SAMD12: variants seen among roughly 807,000 people sequenced by gnomAD.
The protein encoded by SAMD12 is sterile alpha motif domain containing 12.
SAMD12 carries 9 observed loss-of-function variants against 15.0 expected under a neutral mutation model. The observed-to-expected ratio is 0.60, with a 90% CI of 0.36 to 1.05. The LOEUF (loss-of-function observed/expected upper bound fraction) is 1.05. SAMD12 is among the 50% of genes least tolerant of loss of function. The pLI is 0.01. For missense variants in SAMD12, 230 were observed against 234.2 expected, an observed-to-expected ratio of 0.98 and a Z score of 0.12; for synonymous variants, 86 against 90.1, an observed-to-expected ratio of 0.96 and a Z score of 0.25.
At chr8:118,267,169 G>A (rs371855340) in intron 4 of SAMD12, among the ~76,000 whole-genome samples, 2 of 152,006 alleles carry the variant, frequency 1.3e-5, no homozygotes, top group East Asian at 1.9e-4. Context: ...ATCATATAAT[G>A]TAAGTTACTA....
At chr8:118,223,965 G>A (rs1053598888) in intron 4 of SAMD12, among the ~76,000 whole-genome samples, 5 of 152,144 alleles carry the variant, frequency 3.3e-5, no homozygotes, top group Non-Finnish European at 7.4e-5. Flanking sequence ...GGTAACAATT[G>A]CAATATATGT....
At chr8:118,552,087 C>T (rs1826356330) in intron 2 of SAMD12, among the ~76,000 whole-genome samples, 1 of 152,142 alleles carries the variant, frequency 6.6e-6, no homozygotes, top group African/African-American at 2.4e-5. Flanking sequence ...CAGCCGAATT[C>T]TACCAGAGGT....
intron 2 of SAMD12, among the ~76,000 whole-genome samples, chr8:118,502,890 G>A (rs1372837059): frequency 1.3e-5 from 2 of 152,172 alleles, no homozygotes; most frequent in Non-Finnish European, 2.9e-5. Context: ...CAAGTACCTA[G>A]GCTTAGCTTC....
chr8:118,587,764 A>G (rs1827488708), intron 1 of SAMD12, among the ~76,000 whole-genome samples: 2 of 152,330 alleles, frequency 1.3e-5, no homozygotes, highest in Non-Finnish European at 2.9e-5. Flanking sequence ...GTTCTTCATT[A>G]TTCTCCTCTG....
At chr8:118,595,742 C>T (rs894732488) in intron 1 of SAMD12, among the ~76,000 whole-genome samples, 5 of 152,214 alleles carry the variant, frequency 3.3e-5, no homozygotes, top group Non-Finnish European at 7.3e-5. Context: ...TCGAATCTTG[C>T]CCTATGTAAT....
intron 2 of SAMD12, 35 bp from the exon 3 acceptor site, chr8:118,439,996 C>T (rs370975769): frequency 3.7e-6 from 6 of 1,610,032 alleles, no homozygotes; most frequent in Non-Finnish European, 4.2e-6. Flanking sequence ...TCAATGCTGG[C>T]CCCATGCCTA....
intron 4 of SAMD12, among the ~76,000 whole-genome samples, chr8:118,249,170 A>G (rs926196705): frequency 3.9e-5 from 6 of 152,284 alleles, no homozygotes; most frequent in African/African-American, 1.4e-4. Flanking sequence ...TGGAAATGAA[A>G]GATATGAAAC....
At chr8:118,364,290 T>C (rs1294203439) in intron 4 of SAMD12, among the ~76,000 whole-genome samples, 3 of 151,996 alleles carry the variant, frequency 2.0e-5, no homozygotes, top group Non-Finnish European at 4.4e-5. Context: ...AAATAGGAGG[T>C]GGAATTTCAG....
intron 1 of SAMD12, among the ~76,000 whole-genome samples, chr8:118,614,305 G>A (rs1209146273): frequency 2.0e-5 from 3 of 152,148 alleles, no homozygotes; most frequent in Non-Finnish European, 4.4e-5. Context: ...ATGCCTATGA[G>A]GTCATTACCA....
intron 4 of SAMD12, among the ~76,000 whole-genome samples, chr8:118,356,119 A>G (rs1289631610): frequency 1.3e-5 from 2 of 152,244 alleles, no homozygotes; most frequent in Non-Finnish European, 2.9e-5. Context: ...CTTTGCAAAA[A>G]TATCCCTTTT....
chr8:118,489,040 T>C (rs1278180370), intron 2 of SAMD12, among the ~76,000 whole-genome samples: 1 of 152,248 alleles, frequency 6.6e-6, no homozygotes, highest in Non-Finnish European at 1.5e-5. Context: ...TGTTTCCATA[T>C]AGACATTCTG....
intron 2 of SAMD12, among the ~76,000 whole-genome samples, chr8:118,502,228 A>AG (rs1824803674): frequency 6.6e-6 from 1 of 152,046 alleles, no homozygotes; most frequent in South Asian, 2.1e-4. Context: ...TAACAGAGAG[A>AG]AGCAATCTTT....
chr8:118,393,306 C>T (rs540299479), intron 3 of SAMD12, among the ~76,000 whole-genome samples: 1 of 152,258 alleles, frequency 6.6e-6, no homozygotes, highest in Admixed American at 6.5e-5. Context: ...ATCTTCCTAC[C>T]TCAGCCTTCA....
chr8:118,433,832 T>C (rs756297795), intron 3 of SAMD12, among the ~76,000 whole-genome samples: 1 of 152,236 alleles, frequency 6.6e-6, no homozygotes, highest in Non-Finnish European at 1.5e-5. Flanking sequence ...TGAGAAAATG[T>C]GTAGCTGACA....
At chr8:118,225,787 G>A (rs1812176468) in intron 4 of SAMD12, among the ~76,000 whole-genome samples, 1 of 152,184 alleles carries the variant, frequency 6.6e-6, no homozygotes, top group Non-Finnish European at 1.5e-5. Context: ...GCCAAGCGCA[G>A]CGAGGATACT....
chr8:118,618,531 C>T (rs1430822865), intron 1 of SAMD12, among the ~76,000 whole-genome samples: 1 of 152,018 alleles, frequency 6.6e-6, no homozygotes, highest in Non-Finnish European at 1.5e-5. Context: ...TTCTAGAAGC[C>T]CTCTCCTTTA....
Position 118,410,149 on chromosome 8 carries a change from T to A in SAMD12, c.322+29683A>T, listed in dbSNP as rs192484429. On this transcript the variant is annotated intron_variant, in intron 3 of 3. Coordinates refer to ENST00000314727, the MANE Select transcript of SAMD12 (RefSeq NM_207506.3). ...AGGTTATTTATTGATAAAGAGTATA[T>A]CTAAGGCTATTTACACATATTAAGG... is the stretch of plus-strand genomic sequence containing the variant. 1.3e-4 allele frequency among the ~76,000 whole-genome samples: 20 copies of A among 152,318 alleles called. 1 individual carries two copies. Among genetic ancestry groups the A allele is most frequent in the African/African-American group, 4.8e-4 (20 of 41,562 alleles).
rs998477935 is a variant in SAMD12 at position 118,506,291 on chromosome 8, C to A, written c.193-66330G>T. Among the ~76,000 whole-genome samples the A allele has an allele frequency of 2.0e-5, 3 of 152,262 alleles. No individual in the cohort carries two copies. The East Asian group carries it at 5.8e-4, about 29-fold the overall frequency. ...AGTTTTTGATATCTTATTTATGAAA[C>A]CTAATAACTTAATCACTTTCCTATG... On this transcript the variant is annotated intron_variant, in intron 2 of 3. Coordinates refer to ENST00000314727, the MANE Select transcript of SAMD12 (RefSeq NM_207506.3).
intron 1 of SAMD12, among the ~76,000 whole-genome samples, chr8:118,587,172 A>ATTCTAATTTCATG (rs1302209281): frequency 1.7e-4 from 26 of 152,354 alleles, no homozygotes; most frequent in African/African-American, 6.0e-4. Context: ...GAGATAGGTT[A>ATTCTAATTTCATG]TTTCAAATTT....
Sources: gnomAD v4.1 joint callset for allele counts (sites outside exome capture counted in the v4.1 genomes callset) on GRCh38, gnomAD v4.1.1 for gene constraint, MANE v1.5 for transcripts, NCBI Gene and HGNC (gene_info 2026-07-23, HGNC 2026-07-21) for gene names.